Variants in CCDC171 observed in about 807,000 individuals in gnomAD.
CCDC171 encodes the protein coiled-coil domain-containing protein 171.
Under a neutral mutation model 168.2 loss-of-function variants are expected in CCDC171, and 177 were observed. The ratio of observed to expected loss-of-function variants is 1.05; its 90% CI spans 0.93 to 1.19. The LOEUF is 1.19. CCDC171 is among the 50% of genes most tolerant of loss of function. The probability of loss-of-function intolerance (pLI) is 0.00; values close to 1 mark genes in which losing one functional copy is unlikely to be tolerated. For missense variants in CCDC171, 1,991 were observed against 1,539.0 expected (o/e 1.29, Z -4.91); for synonymous variants, 687 against 540.8 (o/e 1.27, Z -3.75).
At chr9:15,893,151 C>G (rs746606213) in intron 24 of CCDC171, among the ~76,000 whole-genome samples, 1 of 152,086 alleles carries the variant, frequency 6.6e-6, no homozygotes, top group Non-Finnish European at 1.5e-5. Flanking sequence ...AACATCTGAC[C>G]TTTGACAAAC....
At chr9:15,772,318 G>C (rs1458303482) in intron 18 of CCDC171, among the ~76,000 whole-genome samples, 1 of 151,816 alleles carries the variant, frequency 6.6e-6, no homozygotes, top group Non-Finnish European at 1.5e-5. Context: ...ATGTATATCT[G>C]TGTGTTTTAC....
intron 18 of CCDC171, among the ~76,000 whole-genome samples, chr9:15,762,710 A>G (rs146254044): frequency 1.3e-5 from 2 of 152,312 alleles, no homozygotes; most frequent in East Asian, 3.9e-4. Flanking sequence ...ATAAAATTTG[A>G]CTAGTTGTGA....
chr9:15,820,514 C>T (rs1228706804), intron 21 of CCDC171, among the ~76,000 whole-genome samples: 15 of 115,726 alleles, frequency 1.3e-4, no homozygotes, highest in Non-Finnish European at 1.9e-4. Context: ...ATATCACCAC[C>T]GATCCCACAG....
intron 24 of CCDC171, among the ~76,000 whole-genome samples, chr9:15,887,368 C>A (rs1053656858): frequency 3.9e-5 from 6 of 152,014 alleles, no homozygotes; most frequent in African/African-American, 1.4e-4. Context: ...CTTCTAGTAA[C>A]AGTAGTAGGT....
Position 15,693,338 on chromosome 9 carries a change from C to T in CCDC171, c.1216-1897C>T, listed in dbSNP as rs569107547. ...ATATGTTTTCATTGATGAAGGGCAT[C>T]CTCCTAAAGTCTGTGTGGATGAATC... is the stretch of plus-strand genomic sequence containing the variant. On this transcript the variant is annotated intron_variant, in intron 10 of 25. Coordinates refer to ENST00000380701, the MANE Select transcript of CCDC171 (RefSeq NM_173550.4). 6.6e-5 allele frequency among the ~76,000 whole-genome samples: 10 copies of T among 152,148 alleles called. No homozygotes were observed. In the East Asian group the frequency reaches 1.9e-3, roughly 29 times the overall value.
chr9:15,731,749 G>A (rs541661948), intron 16 of CCDC171, among the ~76,000 whole-genome samples: 2 of 152,142 alleles, frequency 1.3e-5, no homozygotes, highest in African/African-American at 4.8e-5. Flanking sequence ...GGATATATGT[G>A]TGTTCATAAG....
At chr9:15,811,321 C>A (rs2059346941) in intron 21 of CCDC171, among the ~76,000 whole-genome samples, 1 of 152,190 alleles carries the variant, frequency 6.6e-6, no homozygotes, top group South Asian at 2.1e-4. Flanking sequence ...TTAGATACAG[C>A]ATACCTCTCT....
chr9:16,063,066 G>A (rs1472411494), downstream of CCDC171, among the ~76,000 whole-genome samples: 4 of 152,188 alleles, frequency 2.6e-5, no homozygotes, highest in South Asian at 2.1e-4. Flanking sequence ...CAGAGTTGGC[G>A]CTCGGTGACT....
chr9:15,667,761 A>G (rs2048834715), intron 9 of CCDC171, among the ~76,000 whole-genome samples: 1 of 152,214 alleles, frequency 6.6e-6, no homozygotes, highest in Non-Finnish European at 1.5e-5. Flanking sequence ...TTGCACCTGA[A>G]AGACTGAAAA....
At chr9:15,584,417 G>C (rs918135205) in intron 4 of CCDC171, among the ~76,000 whole-genome samples, 3 of 152,158 alleles carry the variant, frequency 2.0e-5, no homozygotes, top group Non-Finnish European at 4.4e-5. Context: ...AAAGAACCAG[G>C]GAAAACCGTA....
At chr9:15,555,079 G>C (rs1257460268) in intron 1 of CCDC171, among the ~76,000 whole-genome samples, 1 of 152,170 alleles carries the variant, frequency 6.6e-6, no homozygotes, top group South Asian at 2.1e-4. Flanking sequence ...TTTTTTACCA[G>C]TAGTGGCTCC....
At chr9:15,810,187 C>T (rs1266664046) in intron 21 of CCDC171, among the ~76,000 whole-genome samples, 1 of 152,180 alleles carries the variant, frequency 6.6e-6, no homozygotes, top group Non-Finnish European at 1.5e-5. Context: ...TCCAAGTCCC[C>T]ACCAGATTAG....
At chr9:15,650,282 C>G (rs1289210798) in intron 7 of CCDC171, among the ~76,000 whole-genome samples, 3 of 151,888 alleles carry the variant, frequency 2.0e-5, no homozygotes, top group African/African-American at 4.8e-5. Context: ...ATAGCATTAA[C>G]AGATATACCT....
chr9:15,675,510 C>G (rs781192589), intron 9 of CCDC171, among the ~76,000 whole-genome samples: 2 of 152,060 alleles, frequency 1.3e-5, no homozygotes, highest in African/African-American at 4.8e-5. Flanking sequence ...GTGGCTGGTA[C>G]CAGTTGTTCC....
intron 25 of CCDC171, among the ~76,000 whole-genome samples, chr9:15,947,602 G>T (rs576430815): frequency 6.6e-6 from 1 of 151,902 alleles, no homozygotes; most frequent in Non-Finnish European, 1.5e-5. Flanking sequence ...TGCTTATTCA[G>T]TCATCCATTG....
At chr9:15,767,362 T>G (rs1168532160) in intron 18 of CCDC171, among the ~76,000 whole-genome samples, 1 of 152,200 alleles carries the variant, frequency 6.6e-6, no homozygotes, top group African/African-American at 2.4e-5. Context: ...GCCAGCAGCA[T>G]CACATCTGCA....
rs541292917 is a variant in CCDC171 at position 15,903,419 on chromosome 9, C to A, written c.3601-16851C>A. Among the ~76,000 whole-genome samples, 52 of 152,308 alleles carry A rather than the reference C, an allele frequency of 3.4e-4. 1 individual carries two copies. The South Asian group carries it at 0.011, about 32-fold the overall frequency. On this transcript the variant is annotated intron_variant, in intron 24 of 25. Coordinates refer to ENST00000380701, the MANE Select transcript of CCDC171 (RefSeq NM_173550.4). ...CCTCCACTGCTGATACCCAGGCAAACAGGATCTGGAGTAGACCTCCAGCAA... is the reference window on the plus strand; with the variant it reads ...CCTCCACTGCTGATACCCAGGCAAAAAGGATCTGGAGTAGACCTCCAGCAA...
chr9:15,959,204 T>A (rs1046848748), intron 25 of CCDC171, among the ~76,000 whole-genome samples: 1 of 152,160 alleles, frequency 6.6e-6, no homozygotes, highest in Non-Finnish European at 1.5e-5. Flanking sequence ...CTAGGGTCAT[T>A]GTAAGGATGA....
chr9:16,038,346 TC>T (rs1334679690), upstream of CCDC171, among the ~76,000 whole-genome samples: 1 of 152,134 alleles, frequency 6.6e-6, no homozygotes, highest in Non-Finnish European at 1.5e-5. Context: ...ACAAGCATTG[TC>T]TGTAGAAGTT....
Sources: allele counts gnomAD v4.1 joint callset (sites outside exome capture counted in the v4.1 genomes callset), GRCh38; gene constraint gnomAD v4.1.1; transcripts MANE v1.5; gene names NCBI Gene and HGNC (gene_info 2026-07-23, HGNC 2026-07-21).